The following PHACTR1 variants were observed in gnomAD, a reference collection of about 807,000 sequenced individuals.
PHACTR1 encodes the protein RPEL repeat containing 1.
PHACTR1 carries 16 observed loss-of-function variants against 69.2 expected under a neutral mutation model. The ratio of observed to expected loss-of-function variants is 0.23; its 90% CI spans 0.16 to 0.35. The LOEUF is 0.35. PHACTR1 is among the 10% of genes least tolerant of loss of function. The pLI, the probability that PHACTR1 is intolerant of heterozygous loss-of-function variation, is 1.00. For synonymous variants in PHACTR1, 312 were observed against 284.5 expected, an observed-to-expected ratio of 1.10 and a Z score of -0.97; for missense variants, 510 against 734.7, an observed-to-expected ratio of 0.69 and a Z score of 3.54.
At chr6:12,741,863 C>G (rs1241735389) in intron 3 of PHACTR1, among the ~76,000 whole-genome samples, 1 of 151,266 alleles carries the variant, frequency 6.6e-6, no homozygotes, top group African/African-American at 2.4e-5. Flanking sequence ...TAATATGTGT[C>G]TTTCAATCCA....
chr6:12,885,933 A>T (rs1783590966), intron 4 of PHACTR1, among the ~76,000 whole-genome samples: 2 of 152,186 alleles, frequency 1.3e-5, no homozygotes, highest in Admixed American at 6.5e-5. Context: ...TGTCTCTACT[A>T]AAAATACAAA....
intron 8 of PHACTR1, among the ~76,000 whole-genome samples, chr6:13,214,985 C>A (rs1767447894): frequency 6.6e-6 from 1 of 152,150 alleles, no homozygotes. Context: ...TAAATTCATT[C>A]TTTATCTACC....
Position 13,278,962 on chromosome 6 carries a change from C to CAAA in PHACTR1, c.1509+646_1509+648dup, listed in dbSNP as rs11372974. 5.8e-3 allele frequency among the ~76,000 whole-genome samples: 783 copies of CAAA among 134,608 alleles called. 12 individuals carry two copies. Among genetic ancestry groups the CAAA allele is most frequent in the African/African-American group, 0.02 (691 of 35,232 alleles). 88.3% of individuals were successfully genotyped at this position (134,608 alleles called of 152,430 possible). Reference sequence around the variant, plus strand: ...TGGGCAACAGAGCAAGACTCTGTCTCAAAAAAAAAAAAAAATTACTAGTTC... The same window carrying CAAA: ...TGGGCAACAGAGCAAGACTCTGTCTCAAAAAAAAAAAAAAAAAATTACTAGTTC... On this transcript the variant is annotated intron_variant, in intron 12 of 14. Transcript: ENST00000332995.
At chr6:12,810,470 G>C (rs1466103527) in intron 4 of PHACTR1, among the ~76,000 whole-genome samples, 1 of 152,162 alleles carries the variant, frequency 6.6e-6, no homozygotes, top group Non-Finnish European at 1.5e-5. Context: ...CAGGTTTCCA[G>C]ATGCAGAGAT....
intron 4 of PHACTR1, among the ~76,000 whole-genome samples, chr6:12,985,528 TA>T (rs149850503): frequency 0.1 from 13,551 of 134,682 alleles, 807 homozygotes; most frequent in South Asian, 0.18. Context: ...TACTACAAAT[TA>T]AAAAAAAAAA....
At chr6:12,928,115 G>T (rs996230690) in intron 4 of PHACTR1, among the ~76,000 whole-genome samples, 1 of 152,126 alleles carries the variant, frequency 6.6e-6, no homozygotes, top group Non-Finnish European at 1.5e-5. Context: ...CATCATCCCA[G>T]GGTGATCATG....
intron 4 of PHACTR1, among the ~76,000 whole-genome samples, chr6:12,998,345 C>G (rs1486030372): frequency 6.6e-6 from 1 of 152,118 alleles, no homozygotes; most frequent in Non-Finnish European, 1.5e-5. Context: ...AGGCTAGGCA[C>G]AGTGGCTCAT....
chr6:12,812,766 A>G (rs1376376191), intron 4 of PHACTR1, among the ~76,000 whole-genome samples: 3 of 152,218 alleles, frequency 2.0e-5, no homozygotes, highest in African/African-American at 4.8e-5. Context: ...TGTGTTTGAA[A>G]TCGCATGATT....
chr6:12,935,841 G>A (rs911214704), intron 4 of PHACTR1, among the ~76,000 whole-genome samples: 2 of 152,000 alleles, frequency 1.3e-5, no homozygotes, highest in Non-Finnish European at 2.9e-5. Flanking sequence ...TTCACTCGTG[G>A]GAGCTGTGAG....
intron 4 of PHACTR1, among the ~76,000 whole-genome samples, chr6:12,819,518 CT>C (rs1775969173): frequency 6.6e-6 from 1 of 152,034 alleles, no homozygotes; most frequent in Non-Finnish European, 1.5e-5. Context: ...CTCAATGCAC[CT>C]CTTATTAGTT....
intron 4 of PHACTR1, among the ~76,000 whole-genome samples, chr6:12,868,472 G>A (rs1334059443): frequency 2.0e-5 from 3 of 152,136 alleles, no homozygotes; most frequent in Admixed American, 1.3e-4. Context: ...GAGGACACGT[G>A]AAGCCAGGAT....
chr6:12,825,692 C>T (rs1776725867), intron 4 of PHACTR1, among the ~76,000 whole-genome samples: 1 of 152,110 alleles, frequency 6.6e-6, no homozygotes, highest in African/African-American at 2.4e-5. Flanking sequence ...ACCACATTCT[C>T]CTATGCAATT....
intron 4 of PHACTR1, among the ~76,000 whole-genome samples, chr6:12,980,734 T>C (rs1795425089): frequency 6.6e-6 from 1 of 152,230 alleles, no homozygotes; most frequent in Non-Finnish European, 1.5e-5. Flanking sequence ...TACTTCATTC[T>C]AGAGACACTG....
chr6:12,996,844 A>T (rs538310298), intron 4 of PHACTR1, among the ~76,000 whole-genome samples: 13 of 152,350 alleles, frequency 8.5e-5, no homozygotes, highest in Admixed American at 4.6e-4. Flanking sequence ...AACCCAAGCC[A>T]GCAAACTATT....
chr6:13,007,378 A>G lies in PHACTR1; in HGVS notation c.251-45987A>G, dbSNP rs556882128. Among the ~76,000 whole-genome samples the G allele has an allele frequency of 3.3e-5, 5 of 152,320 alleles. No homozygotes were observed. The East Asian group carries it at 7.7e-4, about 23-fold the overall frequency. ...ATAGTTTGGAGCAAAATGTAAAGAA[A>G]CTGAATACTTTGGAACAACTAGAAG... is the stretch of plus-strand genomic sequence containing the variant. On this transcript the variant is annotated intron_variant, in intron 4 of 14. Coordinates refer to ENST00000332995, the MANE Select transcript of PHACTR1 (RefSeq NM_030948.6).
intron 4 of PHACTR1, among the ~76,000 whole-genome samples, chr6:12,817,211 T>G (rs912715237): frequency 7.9e-5 from 12 of 152,212 alleles, no homozygotes; most frequent in African/African-American, 2.4e-4. Context: ...TGGACTTTTT[T>G]TCAAAGGGGA....
At chr6:12,902,016 A>G (rs62389955) in intron 4 of PHACTR1, among the ~76,000 whole-genome samples, 43,104 of 151,934 alleles carry the variant, frequency 0.28, 6,717 homozygotes, top group Middle Eastern at 0.37. Context: ...GGAGAATGCT[A>G]CTGGCATCTA....
rs143164764 is a variant in PHACTR1, at chr6:12,790,444, T to G, written c.250+40654T>G. Among the ~76,000 whole-genome samples the G allele has an allele frequency of 3.6e-4, 55 of 152,332 alleles. No individual in the cohort carries two copies. The East Asian group carries it at 9.9e-3, about 27-fold the overall frequency. On this transcript the variant is annotated intron_variant, in intron 4 of 14. Transcript: ENST00000332995. ...CACTCCTTTTCCTCCCTCAAGTTCT[T>G]GCAGAAGTAAGGCCTCCTCTGACCA...
chr6:12,861,699 C>T (rs942581264), intron 4 of PHACTR1, among the ~76,000 whole-genome samples: 7 of 152,170 alleles, frequency 4.6e-5, no homozygotes, highest in Non-Finnish European at 1.0e-4. Flanking sequence ...TTTCTTTAGA[C>T]TGCAATTAAC....
Sources: allele counts gnomAD v4.1 joint callset (sites outside exome capture counted in the v4.1 genomes callset), GRCh38; gene constraint gnomAD v4.1.1; transcripts MANE v1.5; gene names NCBI Gene and HGNC (gene_info 2026-07-23, HGNC 2026-07-21).